RFC2: variants seen among roughly 807,000 people sequenced by gnomAD.
RFC2 encodes A1 40 kDa subunit.
Under a neutral mutation model 44.8 loss-of-function variants are expected in RFC2, and 34 were observed. The ratio of observed to expected loss-of-function variants is 0.76; its 90% CI spans 0.58 to 1.01. RFC2 has a LOEUF of 1.01. Ranked by LOEUF, RFC2 falls within the 50% of genes least tolerant of loss-of-function variation. The probability of loss-of-function intolerance (pLI) is 0.00; values close to 1 mark genes in which losing one functional copy is unlikely to be tolerated. For synonymous variants in RFC2, 177 were observed against 168.9 expected (o/e 1.05, Z -0.37); for missense variants, 400 against 453.6 (o/e 0.88, Z 1.07).
chr7:74,245,734 T>A (rs1366413972), intron 5 of RFC2, among the ~76,000 whole-genome samples: 324 of 135,036 alleles, frequency 2.4e-3, no homozygotes, highest in Non-Finnish European at 4.2e-3. Flanking sequence ...AAAAAAAAAA[T>A]TTATGGTTAA....
At chr7:74,243,102 G>T in intron 6 of RFC2, 44 bp downstream of exon 6, 1 of 1,319,266 alleles carries the variant, frequency 7.6e-7, no homozygotes, top group Non-Finnish European at 1.1e-6. Flanking sequence ...AAAAAGCCCA[G>T]TTGAGCACCA....
chr7:74,232,162 T>G lies in RFC2; in HGVS notation c.1009A>C (p.Met337Leu), dbSNP rs1554717288. The G allele has an allele frequency of 6.2e-7, 1 of 1,613,882 alleles. No individual in the cohort carries two copies. Among genetic ancestry groups the G allele is most frequent in the Admixed American group, 1.7e-5 (1 of 60,014 alleles). The part of the protein sequence containing the change: ...IAEGVNSLLQ[M>L]AGLLARLCQK... ...CACAGCCTTGCCAGGAGGCCTGCCA[T>G]CTGCAAAAGAGAGTTCACTCCTTCC... Residue 337 changes from methionine to leucine, a missense_variant, in exon 11 of 11, where the codon ATG (methionine) becomes CTG (leucine). Met to Leu is a conservative substitution (Grantham distance 15). Coordinates refer to ENST00000055077, the MANE Select transcript of RFC2 (RefSeq NM_181471.3).
At chr7:74,232,693 C>A (rs1225061542) in intron 10 of RFC2, among the ~76,000 whole-genome samples, 1 of 152,078 alleles carries the variant, frequency 6.6e-6, no homozygotes, top group Non-Finnish European at 1.5e-5. Context: ...GGTAAAACCC[C>A]ATCTCTACTA....
At chr7:74,235,962 C>T (rs3135696) in intron 9 of RFC2, among the ~76,000 whole-genome samples, 22,785 of 152,180 alleles carry the variant, frequency 0.15, 2,704 homozygotes, top group African/African-American at 0.33. Context: ...CCCAGCCTAT[C>T]GCAAATGTGT....
At chr7:74,239,658 T>A (rs1228877260) in intron 7 of RFC2, among the ~76,000 whole-genome samples, 1 of 152,030 alleles carries the variant, frequency 6.6e-6, no homozygotes, top group Admixed American at 6.6e-5. Context: ...TAATTTTTTT[T>A]AGTAGAGATG....
chr7:74,242,620 A>T (rs1554719415), intron 6 of RFC2, among the ~76,000 whole-genome samples: 3 of 151,994 alleles, frequency 2.0e-5, no homozygotes, highest in Non-Finnish European at 4.4e-5. Context: ...TTCCAGCGCT[A>T]AAGAGCCAAG....
intron 2 of RFC2, 65 bp from the exon 3 acceptor site, chr7:74,249,845 A>G: frequency 7.3e-7 from 1 of 1,375,170 alleles, no homozygotes; most frequent in African/African-American, 1.4e-5. Context: ...TAAAAAAGAT[A>G]GAAAAAAGAA....
chr7:74,231,940 A>G lies in RFC2; in HGVS notation c.*166T>C, dbSNP rs1300578053. ...GGTGATCCACCTGCCTCGGCCTCCCAAAGTGTTGGGATTACAGGCGTGAGC... is the reference window on the plus strand; with the variant it reads ...GGTGATCCACCTGCCTCGGCCTCCCGAAGTGTTGGGATTACAGGCGTGAGC... On this transcript the variant is annotated 3_prime_UTR_variant, in exon 11 of 11. Coordinates refer to ENST00000055077, the MANE Select transcript of RFC2 (RefSeq NM_181471.3). 1 of 549,960 alleles carries G rather than the reference A, an allele frequency of 1.8e-6. No homozygotes were observed. Among genetic ancestry groups the G allele is most frequent in the African/African-American group, 1.9e-5 (1 of 52,194 alleles). 34.1% of individuals were successfully genotyped at this position (549,960 alleles called of 1,614,324 possible). A position where few individuals can be genotyped will look rare whatever the true frequency, so the allele number is the denominator to read the frequency against.
intron 4 of RFC2, 132 bp downstream of exon 4, chr7:74,248,880 A>G (rs1228055127): frequency 1.1e-5 from 7 of 666,036 alleles, no homozygotes; most frequent in Admixed American, 5.2e-5. Flanking sequence ...ACGCTCTTTC[A>G]CTGGGAAGGG....
intron 2 of RFC2, among the ~76,000 whole-genome samples, 170 bp downstream of exon 2, chr7:74,252,259 T>C (rs1554721240): frequency 1.3e-5 from 2 of 151,186 alleles, no homozygotes; most frequent in African/African-American, 4.9e-5. Flanking sequence ...TACAAAAAAT[T>C]AGCTGGGTGT....
rs782759945 is a variant in RFC2, at chr7:74,232,150, G to A, written c.1021C>T (p.Leu341=). ...ATTGTCTTCTGACACAGCCTTGCCA[G>A]GAGGCCTGCCATCTGCAAAAGAGAG... The part of the protein sequence containing the change: ...VNSLLQMAGL[L]ARLCQKTMAP... The change falls in exon 11 of 11, where the codon CTG becomes TTG. Residue 341 remains leucine, a synonymous_variant. Transcript: ENST00000055077. The A allele has an allele frequency of 1.9e-6, 3 of 1,613,602 alleles. No homozygotes were observed. In the East Asian group the frequency reaches 6.7e-5, roughly 36 times the overall value.
chr7:74,234,238 A>C (rs2116248931), intron 10 of RFC2, among the ~76,000 whole-genome samples: 1 of 152,264 alleles, frequency 6.6e-6, no homozygotes, highest in East Asian at 1.9e-4. Context: ...GATCCCATTT[A>C]TATGATATTC....
chr7:74,240,590 G>A (rs3135679), intron 6 of RFC2, among the ~76,000 whole-genome samples: 2,629 of 150,412 alleles, frequency 0.017, 24 homozygotes, highest in Middle Eastern at 0.027. Context: ...CAATGACAGA[G>A]GCCTCAGTTG....
intron 7 of RFC2, among the ~76,000 whole-genome samples, chr7:74,239,628 G>A (rs1803213662): frequency 6.6e-6 from 1 of 152,110 alleles, no homozygotes; most frequent in Non-Finnish European, 1.5e-5. Context: ...ACTGTGCCTG[G>A]CCATGCCTGG....
chr7:74,247,612 C>T (rs1554720288), intron 4 of RFC2, among the ~76,000 whole-genome samples: 2 of 152,114 alleles, frequency 1.3e-5, no homozygotes, highest in African/African-American at 4.8e-5. Context: ...TGCACTCCAG[C>T]CTGGGTGACA....
In RFC2 at chr7:74,254,388, G is replaced by C. The variant is rs1215338280; in HGVS notation, c.-5C>G. On this transcript the variant is annotated 5_prime_UTR_variant, in exon 1 of 11. Coordinates refer to ENST00000055077, the MANE Select transcript of RFC2 (RefSeq NM_181471.3). The stretch of plus-strand genomic sequence containing the variant: ...ACAGACGGCCTCCACCTCCATTCTC[G>C]CGCCTCCTCTTCCCGCCACCCGAGG... The C allele has an allele frequency of 1.4e-5, 22 of 1,583,348 alleles. No homozygotes were observed. Among genetic ancestry groups the C allele is most frequent in the East Asian group, 4.6e-5 (2 of 43,230 alleles).
intron 4 of RFC2, 128 bp from the exon 5 acceptor site, chr7:74,246,891 G>A: frequency 3.9e-6 from 2 of 511,576 alleles, no homozygotes; most frequent in East Asian, 6.8e-5. Context: ...TTTTTGGGGG[G>A]CAATTGTAAC....
At chr7:74,239,394 CTA>C (rs1288597667) in intron 7 of RFC2, among the ~76,000 whole-genome samples, 6 of 151,870 alleles carry the variant, frequency 4.0e-5, no homozygotes, top group Non-Finnish European at 8.8e-5. Flanking sequence ...TGCAGTGGTG[CTA>C]TCTCAGCTCA....
chr7:74,232,239 A>C, intron 10 of RFC2, 23 bp from the exon 11 acceptor site: 4 of 1,322,648 alleles, frequency 3.0e-6, no homozygotes, highest in Non-Finnish European at 4.4e-6. Flanking sequence ...CCAAATTCAA[A>C]TCTGGTTAAT....
Sources: gnomAD v4.1 joint callset for allele counts (sites outside exome capture counted in the v4.1 genomes callset) on GRCh38, gnomAD v4.1.1 for gene constraint, MANE v1.5 for transcripts, NCBI Gene and HGNC (gene_info 2026-07-23, HGNC 2026-07-21) for gene names.